Variants in ADGRL3 observed in about 807,000 individuals in gnomAD.
ADGRL3 encodes calcium-independent alpha-latrotoxin receptor 3.
Under a neutral mutation model 153.5 loss-of-function variants are expected in ADGRL3, and 62 were observed. That is an observed-to-expected ratio of 0.40 (90% confidence interval 0.33 to 0.50). The LOEUF is 0.50. ADGRL3 is among the 20% of genes least tolerant of loss of function. ADGRL3 has a pLI of 0.47. For missense variants in ADGRL3, 1,641 were observed against 1,859.4 expected (o/e 0.88, Z 2.16); for synonymous variants, 710 against 672.5 (o/e 1.06, Z -0.86).
At chr4:61,322,313 A>G (rs2150779467) in intron 1 of ADGRL3, among the ~76,000 whole-genome samples, 1 of 152,316 alleles carries the variant, frequency 6.6e-6, no homozygotes, top group East Asian at 1.9e-4. Flanking sequence ...GTGTGGGGAC[A>G]CAGAGCCAAA....
chr4:61,692,697 T>C (rs1362318983), intron 6 of ADGRL3, among the ~76,000 whole-genome samples: 1 of 152,066 alleles, frequency 6.6e-6, no homozygotes, highest in Non-Finnish European at 1.5e-5. Context: ...GCCTGTTGGG[T>C]CTCCAAAAGT....
intron 1 of ADGRL3, among the ~76,000 whole-genome samples, chr4:61,272,774 G>T (rs908083028): frequency 6.6e-6 from 1 of 152,126 alleles, no homozygotes; most frequent in Admixed American, 6.6e-5. Context: ...TTCATTTAAA[G>T]TAAAACTTAC....
intron 1 of ADGRL3, among the ~76,000 whole-genome samples, chr4:61,367,988 G>T (rs1489609448): frequency 2.6e-5 from 4 of 151,566 alleles, no homozygotes; most frequent in East Asian, 1.9e-4. Context: ...CTGATGGCCA[G>T]TGATGGTGAG....
intron 5 of ADGRL3, among the ~76,000 whole-genome samples, chr4:61,621,883 C>T (rs1033771508): frequency 1.3e-5 from 2 of 152,014 alleles, no homozygotes; most frequent in African/African-American, 4.8e-5. Context: ...AATTAATCCC[C>T]ACCTCCAGAA....
At chr4:61,491,557 T>C (rs2098258147) in intron 2 of ADGRL3, among the ~76,000 whole-genome samples, 1 of 152,090 alleles carries the variant, frequency 6.6e-6, no homozygotes, top group Non-Finnish European at 1.5e-5. Context: ...AAACAACTGG[T>C]TATTCTTCTT....
chr4:61,220,032 TG>T lies in ADGRL3; in HGVS notation c.-240+18273del, dbSNP rs1473262742. Among the ~76,000 whole-genome samples, 5 of 148,598 alleles carry T rather than the reference TG, an allele frequency of 3.4e-5. No homozygotes were observed. The East Asian group carries it at 8.0e-4, about 24-fold the overall frequency. ...CTGAGGCAGGAGAATCGCTTGAACC[TG>T]GGGGGCGGAGGTTGCATTGAGCTGA... On this transcript the variant is annotated intron_variant, in intron 1 of 26. Coordinates refer to ENST00000683033, the MANE Select transcript of ADGRL3 (RefSeq NM_001387552.1).
chr4:62,035,884 G>A (rs1724715585), intron 23 of ADGRL3, among the ~76,000 whole-genome samples: 1 of 151,958 alleles, frequency 6.6e-6, no homozygotes, highest in African/African-American at 2.4e-5. Flanking sequence ...ATAAAATGAA[G>A]GTAATAGTTA....
chr4:61,253,952 C>T (rs565176157), intron 1 of ADGRL3, among the ~76,000 whole-genome samples: 1 of 152,164 alleles, frequency 6.6e-6, no homozygotes, highest in South Asian at 2.1e-4. Flanking sequence ...TTATTTTTTC[C>T]CAAATTAAGC....
At chr4:61,698,237 G>A (rs1580337189) in intron 6 of ADGRL3, among the ~76,000 whole-genome samples, 1 of 152,108 alleles carries the variant, frequency 6.6e-6, no homozygotes, top group African/African-American at 2.4e-5. Context: ...AGATCATGAG[G>A]TCAGGAGATT....
At chr4:61,559,194 A>G (rs2098783559) in intron 4 of ADGRL3, among the ~76,000 whole-genome samples, 1 of 152,130 alleles carries the variant, frequency 6.6e-6, no homozygotes, top group South Asian at 2.1e-4. Flanking sequence ...CAATGGTAGC[A>G]GCTTAATTCT....
chr4:61,643,246 T>A (rs1256686684), intron 5 of ADGRL3, among the ~76,000 whole-genome samples: 2 of 152,002 alleles, frequency 1.3e-5, no homozygotes, highest in Non-Finnish European at 2.9e-5. Flanking sequence ...AGGGACAATT[T>A]GACTTCCTCT....
chr4:61,844,990 A>C (rs1400155365), intron 9 of ADGRL3, among the ~76,000 whole-genome samples: 1 of 152,186 alleles, frequency 6.6e-6, no homozygotes, highest in Non-Finnish European at 1.5e-5. Flanking sequence ...ATTAAGAAAG[A>C]AAATAGAAGA....
chr4:61,545,876 AAAACAAACAAAC>A (rs139949535), intron 4 of ADGRL3, among the ~76,000 whole-genome samples: 17 of 151,340 alleles, frequency 1.1e-4, no homozygotes, highest in Admixed American at 2.6e-4. Flanking sequence ...TCTTATAACC[AAAACAAACAAAC>A]AAACAAACAA....
At chr4:61,506,926 A>C (rs2152850296) in intron 3 of ADGRL3, among the ~76,000 whole-genome samples, 1 of 152,286 alleles carries the variant, frequency 6.6e-6, no homozygotes, top group Admixed American at 6.5e-5. Context: ...TATGTAGGTT[A>C]AAAACGTAAA....
At chr4:61,807,020 C>A (rs2097559721) in intron 8 of ADGRL3, among the ~76,000 whole-genome samples, 1 of 147,000 alleles carries the variant, frequency 6.8e-6, no homozygotes, top group African/African-American at 2.5e-5. Flanking sequence ...TAAAAATAAG[C>A]ATTTTTAAAC....
At chr4:61,812,010 G>A (rs533726296) in intron 8 of ADGRL3, among the ~76,000 whole-genome samples, 24 of 152,110 alleles carry the variant, frequency 1.6e-4, no homozygotes, top group African/African-American at 5.3e-4. Flanking sequence ...TTGTAGTTAC[G>A]ATATTTACAA....
intron 9 of ADGRL3, among the ~76,000 whole-genome samples, chr4:61,842,711 C>A (rs1380653424): frequency 6.6e-6 from 1 of 152,116 alleles, no homozygotes; most frequent in African/African-American, 2.4e-5. Context: ...AGGTTTGTTG[C>A]AATCCTAACG....
chr4:61,676,689 A>G, intron 5 of ADGRL3, 137 bp from the exon 6 acceptor site: 1 of 639,020 alleles, frequency 1.6e-6, no homozygotes, highest in South Asian at 2.0e-5. Flanking sequence ...TATTTTCTTA[A>G]TAGGCCTAAA....
chr4:61,417,838 A>G (rs2097161318), intron 2 of ADGRL3, among the ~76,000 whole-genome samples: 1 of 152,098 alleles, frequency 6.6e-6, no homozygotes, highest in Non-Finnish European at 1.5e-5. Flanking sequence ...CTTTGACTGC[A>G]GCATAGGTTA....
Sources: gnomAD v4.1 joint callset for allele counts (sites outside exome capture counted in the v4.1 genomes callset) on GRCh38, gnomAD v4.1.1 for gene constraint, MANE v1.5 for transcripts, NCBI Gene and HGNC (gene_info 2026-07-23, HGNC 2026-07-21) for gene names.